Variants in PLEKHG2 observed in about 807,000 individuals in gnomAD.
PLEKHG2 encodes pleckstrin homology and RhoGEF domain containing G2, also known as pleckstrin homology domain-containing family G member 2.
A neutral mutation model predicts 104.4 loss-of-function variants in PLEKHG2; 71 were observed. The observed-to-expected ratio is 0.68, with a 90% CI of 0.56 to 0.83. The LOEUF is 0.83. Ranked by LOEUF, PLEKHG2 falls within the 40% of genes least tolerant of loss-of-function variation. The pLI, the probability that PLEKHG2 is intolerant of heterozygous loss-of-function variation, is 0.00. For synonymous variants in PLEKHG2, 728 were observed against 737.0 expected, an observed-to-expected ratio of 0.99 and a Z score of 0.20; for missense variants, 1,730 against 1,809.4, an observed-to-expected ratio of 0.96 and a Z score of 0.80.
chr19:39,418,108 G>A lies in PLEKHG2; in HGVS notation c.1083+3G>A. On this transcript the variant is annotated splice_donor_region_variant and intron_variant, in intron 9 of 18. Coordinates refer to ENST00000425673, the MANE Select transcript of PLEKHG2 (RefSeq NM_022835.3). ...ACACCTACAAAGGCCACATCTTCGT[G>A]AGTTTGGGGATGGGGTGGGGCTAGA... is the stretch of plus-strand genomic sequence containing the variant. 1.3e-6 allele frequency: 2 copies of A among 1,501,214 alleles called. No individual in the cohort carries two copies. The highest frequency in any genetic ancestry group is 1.8e-6 in the Non-Finnish European group (2 of 1,126,816). 93.0% of individuals were successfully genotyped at this position (1,501,214 alleles called of 1,614,324 possible).
intron 9 of PLEKHG2, 141 bp downstream of exon 9, chr19:39,418,246 C>T (rs1442011878): frequency 1.3e-6 from 1 of 749,658 alleles, no homozygotes; most frequent in Non-Finnish European, 1.9e-6. Flanking sequence ...GGGAAGCTTT[C>T]TTTCTAGTGT....
At position 39,414,190 on chromosome 19, in the gene PLEKHG2, G is replaced by A. The variant is rs2078564691; in HGVS notation, c.104G>A (p.Arg35Gln). 1 of 1,551,256 alleles carries A rather than the reference G, an allele frequency of 6.4e-7. No individual in the cohort carries two copies. The highest frequency in any genetic ancestry group is 1.4e-5 in the African/African-American group (1 of 73,166). The change falls in exon 2 of 19, where the codon CGG becomes CAG. Residue 35 changes from arginine (R) to glutamine (Q), a missense_variant. Physicochemically the swap from Arg to Gln is conservative, Grantham distance 43. Transcript: ENST00000425673. ...GACTGTGGCACCGTGTGTGAGACTC[G>A]GACAGGTGAGCCTAGAGGCAGGGGC... ...VCDCGTVCET[R>Q]TAPAAPTMAS...
Position 39,423,332 on chromosome 19 carries a change from G to T in PLEKHG2, c.2278G>T (p.Ala760Ser), listed in dbSNP as rs1177134226. 6.2e-7 allele frequency: 1 copy of T among 1,614,042 alleles called. No homozygotes were observed. The highest frequency in any genetic ancestry group is 8.5e-7 in the Non-Finnish European group (1 of 1,179,890). Residue 760 changes from alanine (A) to serine (S), a missense_variant, in exon 18 of 19, where the codon GCA (alanine) becomes TCA (serine). Physicochemically the swap from Ala to Ser is moderately conservative, Grantham distance 99 (BLOSUM62 1). Transcript: ENST00000425673. ...TQHQGFPDEL[A>S]FRSCSEIRSA... ...ACATCAGGGATTCCCAGATGAGCTG[G>T]CATTCCGCTCTTGCTCAGAAATCCG...
chr19:39,418,825 A>T lies in PLEKHG2; in HGVS notation c.1175A>T (p.Gln392Leu). 6.2e-7 allele frequency: 1 copy of T among 1,607,648 alleles called. No individual in the cohort carries two copies. The highest frequency in any genetic ancestry group is 8.5e-7 in the Non-Finnish European group (1 of 1,174,892). The part of the protein sequence containing the change: ...LTIPKHRHLL[Q>L]AKNQEEKRLW... ...ATTCCCAAGCACAGACACCTGCTCC[A>T]GGTGAGCATGTAGTGGGATCAGGCT... The change falls in exon 10 of 19, where the codon CAG becomes CTG. Residue 392 changes from glutamine to leucine, a missense_variant and splice_region_variant. Gln to Leu is a moderately radical substitution (Grantham distance 113, BLOSUM62 -2). Transcript: ENST00000425673.
Position 39,424,434 on chromosome 19 carries a change from C to T in PLEKHG2, c.3301C>T (p.Leu1101Phe). 1 of 1,614,146 alleles carries T rather than the reference C, an allele frequency of 6.2e-7. No homozygotes were observed. Among genetic ancestry groups the T allele is most frequent in the East Asian group, 2.2e-5 (1 of 44,874 alleles). Residue 1101 changes from leucine to phenylalanine, a missense_variant, in exon 19 of 19, where the codon CTC (leucine) becomes TTC (phenylalanine). By Grantham distance (22) the Leu-to-Phe change is conservative. Transcript: ENST00000425673. ...CACCCTACCACCCTTGCCATGTCACCTCCCAGACCTTCAGATTCCAGGTAC... is the reference window on the plus strand; with the variant it reads ...CACCCTACCACCCTTGCCATGTCACTTCCCAGACCTTCAGATTCCAGGTAC... ...GDTLPPLPCH[L>F]PDLQIPGTSP...
rs964708389 is a variant in PLEKHG2, at chr19:39,426,315, T to C, written c.*1021T>C. 6.6e-6 allele frequency: 1 copy of C among 152,142 alleles called. No individual in the cohort carries two copies. The highest frequency in any genetic ancestry group is 2.4e-5 in the African/African-American group (1 of 41,416). 9.4% of individuals were successfully genotyped at this position (152,142 alleles called of 1,614,324 possible). Reference sequence around the variant, plus strand: ...CTTGTACCCACTCACATACCTCAGATCCCTTCACTCCTCCCCGCAGTTTGC... The same window carrying C: ...CTTGTACCCACTCACATACCTCAGACCCCTTCACTCCTCCCCGCAGTTTGC... On this transcript the variant is annotated 3_prime_UTR_variant, in exon 19 of 19. Transcript: ENST00000425673.
chr19:39,424,946 C>A lies in PLEKHG2; in HGVS notation c.3813C>A (p.Gly1271=), dbSNP rs749662248. Reference sequence around the variant, plus strand: ...CACCTTCCAGCCGTCAGCTCCTGGGCCCCAATGCAGCTGCCCTCTCCAGAT... The same window carrying A: ...CACCTTCCAGCCGTCAGCTCCTGGGACCCAATGCAGCTGCCCTCTCCAGAT... The part of the protein sequence containing the change: ...SPPPSSRQLL[G]PNAAALSRYL... The change falls in exon 19 of 19, where the codon GGC becomes GGA. Residue 1271 remains glycine, a synonymous_variant. Transcript: ENST00000425673. The A allele has an allele frequency of 1.9e-6, 3 of 1,614,098 alleles. No homozygotes were observed. Among genetic ancestry groups the A allele is most frequent in the Non-Finnish European group, 2.5e-6 (3 of 1,180,042 alleles).
Position 39,424,330 on chromosome 19 carries a change from G to C in PLEKHG2, c.3197G>C (p.Gly1066Ala), listed in dbSNP as rs1568400420. ...TKQGGSRDVQ[G>A]PDPVCSQPIQ... The stretch of plus-strand genomic sequence containing the variant: ...CAAGGAGGTTCCAGGGATGTTCAGG[G>C]CCCAGACCCTGTCTGCAGTCAACCC... Residue 1066 changes from glycine to alanine, a missense_variant, in exon 19 of 19, where the codon GGC (glycine) becomes GCC (alanine). Transcript: ENST00000425673. 1 of 1,614,120 alleles carries C rather than the reference G, an allele frequency of 6.2e-7. No individual in the cohort carries two copies.
chr19:39,414,118 C>G lies in PLEKHG2; in HGVS notation c.32C>G (p.Ser11Cys). Residue 11 changes from serine (S) to cysteine (C), a missense_variant, in exon 2 of 19, where the codon TCC (serine) becomes TGC (cysteine). Transcript: ENST00000425673. MPEGAQGLSL[S>C]KPSPSLGCGR... is the part of the protein sequence containing the mutation. ...GAGGGAGCCCAAGGACTGAGCCTCTCCAAACCTAGCCCAAGCCTCGGGTGT... is the reference window on the plus strand; with the variant it reads ...GAGGGAGCCCAAGGACTGAGCCTCTGCAAACCTAGCCCAAGCCTCGGGTGT... The G allele has an allele frequency of 6.4e-7, 1 of 1,551,518 alleles. No individual in the cohort carries two copies. Among genetic ancestry groups the G allele is most frequent in the Non-Finnish European group, 8.7e-7 (1 of 1,146,916 alleles).
Position 39,422,736 on chromosome 19 carries a change from C to A in PLEKHG2, c.1682C>A (p.Ser561Tyr). 1 of 1,519,408 alleles carries A rather than the reference C, an allele frequency of 6.6e-7. No individual in the cohort carries two copies. Among genetic ancestry groups the A allele is most frequent in the Non-Finnish European group, 8.8e-7 (1 of 1,136,092 alleles). The allele number at this position is 1,519,408 out of a possible 1,614,324, so 94.1% of individuals were successfully genotyped here. Residue 561 changes from serine (S) to tyrosine (Y), a missense_variant, in exon 18 of 19, where the codon TCC (serine) becomes TAC (tyrosine). Transcript: ENST00000425673. The part of the protein sequence containing the change: ...NQRGLRDPGP[S>Y]THDIPKFPGD... The stretch of plus-strand genomic sequence containing the variant: ...GTTCTCCTGTGCCCACTATAGCCGT[C>A]CACCCATGACATTCCCAAGTTCCCC...
In PLEKHG2 at chr19:39,414,181, G is replaced by A; in HGVS notation, c.95G>A (p.Cys32Tyr). ...RGEVCDCGTV[C>Y]ETRTAPAAPT... ...GAAGTGTGTGACTGTGGCACCGTGT[G>A]TGAGACTCGGACAGGTGAGCCTAGA... is the stretch of plus-strand genomic sequence containing the variant. The change falls in exon 2 of 19, where the codon TGT becomes TAT. Residue 32 changes from cysteine (C) to tyrosine (Y), a missense_variant. Cys to Tyr is a radical substitution (Grantham distance 194, BLOSUM62 -2). Transcript: ENST00000425673. 6.4e-7 allele frequency: 1 copy of A among 1,551,442 alleles called. No homozygotes were observed. Among genetic ancestry groups the A allele is most frequent in the Non-Finnish European group, 8.7e-7 (1 of 1,146,814 alleles).
In PLEKHG2 at chr19:39,416,665, C is replaced by T; in HGVS notation, c.593+68C>T. On this transcript the variant is annotated intron_variant, in intron 6 of 18. Transcript: ENST00000425673. This position sits in a 1 kb window ranked among gnomAD's most constrained non-coding sequence, Gnocchi z 4.5. ...AAGCTGATGTGCCAGTCACCCGTCA[C>T]CCTCCCTCTACCCCCGACCCATCCA... is the stretch of plus-strand genomic sequence containing the variant. 1 of 1,586,174 alleles carries T rather than the reference C, an allele frequency of 6.3e-7. No homozygotes were observed. Among genetic ancestry groups the T allele is most frequent in the Non-Finnish European group, 8.6e-7 (1 of 1,156,724 alleles).
At position 39,414,311 on chromosome 19, in the gene PLEKHG2, T is replaced by C. The variant is rs2078566816; in HGVS notation, c.109+116T>C. On this transcript the variant is annotated intron_variant, in intron 2 of 18. Transcript: ENST00000425673. ...AACTCGCACAAAGCTCCGAGTCTGG[T>C]GGGGAAGGCGGGCCCATCCCCAGGC... The C allele has an allele frequency of 4.5e-6, 5 of 1,107,576 alleles. No homozygotes were observed. In the African/African-American group the frequency reaches 4.7e-5, roughly 10 times the overall value. 68.6% of individuals were successfully genotyped at this position (1,107,576 alleles called of 1,614,324 possible). A position where few individuals can be genotyped will look rare whatever the true frequency, so the allele number is the denominator to read the frequency against.
rs745478382 is a variant in PLEKHG2 at position 39,422,713 on chromosome 19, TCTC to T, written c.1678-16_1678-14del. 12 of 1,511,968 alleles carry T rather than the reference TCTC, an allele frequency of 7.9e-6. No homozygotes were observed. The South Asian group carries it at 1.6e-4, about 21-fold the overall frequency. The allele number at this position is 1,511,968 out of a possible 1,614,324, so 93.7% of individuals were successfully genotyped here. On this transcript the variant is annotated splice_polypyrimidine_tract_variant and intron_variant, in intron 17 of 18. Coordinates refer to ENST00000425673, the MANE Select transcript of PLEKHG2 (RefSeq NM_022835.3). Reference sequence around the variant, plus strand: ...TACCATGCTGATATGTTTGGCTTGTTCTCCTGTGCCCACTATAGCCGTCCACCC... The same window carrying T: ...TACCATGCTGATATGTTTGGCTTGTTCTGTGCCCACTATAGCCGTCCACCC...
intron 11 of PLEKHG2, 70 bp from the exon 12 acceptor site, chr19:39,420,556 G>A (rs940826295): frequency 6.2e-7 from 1 of 1,602,810 alleles, no homozygotes; most frequent in East Asian, 2.2e-5. Context: ...CATGACTACG[G>A]TGCTTAAAGT....
At chr19:39,417,117 G>C in intron 7 of PLEKHG2, 117 bp downstream of exon 7, 1 of 1,248,578 alleles carries the variant, frequency 8.0e-7, no homozygotes, top group Non-Finnish European at 1.1e-6. Context: ...CCAAAGTGCT[G>C]GGATTACAGG....
rs560157323 is a variant in PLEKHG2, at chr19:39,422,401, G to C, written c.1677+113G>C. On this transcript the variant is annotated intron_variant, in intron 17 of 18. Transcript: ENST00000425673. Reference sequence around the variant, plus strand: ...CCTTTATTTTTTTTTTATTTGAGATGGAGTCTTGCTCTGTTGCCGAGGCTG... The same window carrying C: ...CCTTTATTTTTTTTTTATTTGAGATCGAGTCTTGCTCTGTTGCCGAGGCTG... 4.1e-6 allele frequency: 5 copies of C among 1,222,614 alleles called. No individual in the cohort carries two copies. The South Asian group carries it at 8.2e-5, about 20-fold the overall frequency. 75.7% of individuals were successfully genotyped at this position (1,222,614 alleles called of 1,614,324 possible). A position where few individuals can be genotyped will look rare whatever the true frequency, so the allele number is the denominator to read the frequency against.
Position 39,424,217 on chromosome 19 carries a change from T to C in PLEKHG2, c.3084T>C (p.Ser1028=). 6.2e-7 allele frequency: 1 copy of C among 1,614,058 alleles called. No homozygotes were observed. The highest frequency in any genetic ancestry group is 1.6e-4 in the Middle Eastern group (1 of 6,062). Residue 1028 remains serine, a synonymous_variant, in exon 19 of 19, where the codon TCT becomes TCC. Transcript: ENST00000425673. ...CAGCTTTGCCCAAGGAGATTTGTTC[T>C]GATTTCACAGTTTCAGTCACCACCC... ...TTPALPKEIC[S]DFTVSVTTPV... is the part of the protein sequence containing the mutation.
rs757670358 is a variant in PLEKHG2 at position 39,424,194 on chromosome 19, G to A, written c.3061G>A (p.Ala1021Thr). Residue 1021 changes from alanine to threonine, a missense_variant, in exon 19 of 19, where the codon GCT (alanine) becomes ACT (threonine). Coordinates refer to ENST00000425673, the MANE Select transcript of PLEKHG2 (RefSeq NM_022835.3). ...CADIHVPTTPALPKEICSDFT... is the reference protein window; with the variant it reads ...CADIHVPTTPTLPKEICSDFT... ...GGACATCCACGTTCCCACCACTCCA[G>A]CTTTGCCCAAGGAGATTTGTTCTGA... 1.9e-6 allele frequency: 3 copies of A among 1,614,026 alleles called. No individual in the cohort carries two copies. Among genetic ancestry groups the A allele is most frequent in the Middle Eastern group, 1.7e-4 (1 of 6,060 alleles).
Sources: gnomAD v4.1 joint callset for allele counts on GRCh38, gnomAD v4.1.1 for gene constraint, Gnocchi (gnomAD v3.1) non-coding constraint, MANE v1.5 for transcripts, NCBI Gene and HGNC (gene_info 2026-07-23, HGNC 2026-07-21) for gene names.